Variants in LRRC4C observed in about 807,000 individuals in gnomAD.
LRRC4C encodes the protein leucine rich repeat containing 4C.
A neutral mutation model predicts 33.6 loss-of-function variants in LRRC4C; 5 were observed. That is an observed-to-expected ratio of 0.15 (90% CI 0.08 to 0.31). The LOEUF is 0.31. Ranked by LOEUF, LRRC4C falls within the 10% of genes least tolerant of loss-of-function variation. The probability of loss-of-function intolerance (pLI) is 1.00; values close to 1 mark genes in which losing one functional copy is unlikely to be tolerated. For missense variants in LRRC4C, 560 were observed against 796.7 expected (o/e 0.70, Z 3.58); for synonymous variants, 329 against 302.0 (o/e 1.09, Z -0.93).
chr11:41,103,206 T>C (rs1487766773), intron 1 of LRRC4C, among the ~76,000 whole-genome samples: 2 of 151,966 alleles, frequency 1.3e-5, no homozygotes, highest in African/African-American at 4.8e-5. Flanking sequence ...ATATTATTTT[T>C]CCTAATATTG....
chr11:40,900,356 C>A (rs541746231), intron 2 of LRRC4C, among the ~76,000 whole-genome samples: 1 of 151,894 alleles, frequency 6.6e-6, no homozygotes, highest in Non-Finnish European at 1.5e-5. Context: ...TGCACTTTAC[C>A]AACTCAGCCA....
At chr11:40,476,822 A>AT (rs1317216845) in intron 3 of LRRC4C, among the ~76,000 whole-genome samples, 2 of 152,248 alleles carry the variant, frequency 1.3e-5, no homozygotes, top group South Asian at 2.1e-4. Flanking sequence ...CATTATAAAC[A>AT]TTTTTTAAAA....
chr11:40,853,148 T>C (rs1408674403), intron 2 of LRRC4C, among the ~76,000 whole-genome samples: 1 of 152,132 alleles, frequency 6.6e-6, no homozygotes, highest in African/African-American at 2.4e-5. Flanking sequence ...GCTGTTGGTG[T>C]AAACTAACCT....
chr11:41,018,172 A>G (rs2137629904), intron 1 of LRRC4C, among the ~76,000 whole-genome samples: 1 of 152,328 alleles, frequency 6.6e-6, no homozygotes, highest in Admixed American at 6.5e-5. Flanking sequence ...AATAAGTTAG[A>G]AAAATCTTCC....
At chr11:40,978,416 T>G (rs577900255) in intron 1 of LRRC4C, among the ~76,000 whole-genome samples, 1 of 152,328 alleles carries the variant, frequency 6.6e-6, no homozygotes, top group African/African-American at 2.4e-5. Flanking sequence ...GAATATTTTA[T>G]AATATTTGGA....
chr11:40,626,004 G>A lies in LRRC4C; in HGVS notation c.-270+22138C>T, dbSNP rs1962893993. Among the ~76,000 whole-genome samples the A allele has an allele frequency of 4.6e-5, 7 of 152,194 alleles. No individual in the cohort carries two copies. In the South Asian group the frequency reaches 1.5e-3, roughly 32 times the overall value. ...TGTCCTCTGCTCAAAATTTCCCAAT[G>A]ACTTTATTTTTCACTCAGAATAAAA... On this transcript the variant is annotated intron_variant, in intron 3 of 6. Transcript: ENST00000528697.
chr11:40,725,514 TAA>T (rs1371677133), intron 2 of LRRC4C, among the ~76,000 whole-genome samples: 6 of 138,694 alleles, frequency 4.3e-5, no homozygotes, highest in African/African-American at 2.7e-5. Context: ...AGACTCTGTT[TAA>T]AAAAAAAAAA....
intron 2 of LRRC4C, among the ~76,000 whole-genome samples, chr11:40,896,373 T>C (rs1278370088): frequency 6.6e-6 from 1 of 152,160 alleles, no homozygotes; most frequent in Non-Finnish European, 1.5e-5. Context: ...CAGATCGCCT[T>C]GAGCTCTTTA....
intron 4 of LRRC4C, among the ~76,000 whole-genome samples, chr11:40,314,053 A>C (rs1398769947): frequency 1.3e-5 from 2 of 152,114 alleles, no homozygotes; most frequent in Non-Finnish European, 2.9e-5. Context: ...AACAATGAAC[A>C]GAATGAAAAG....
intron 3 of LRRC4C, among the ~76,000 whole-genome samples, chr11:40,366,683 T>A (rs575970643): frequency 6.6e-6 from 1 of 152,054 alleles, no homozygotes; most frequent in Non-Finnish European, 1.5e-5. Flanking sequence ...ATGGCATTTA[T>A]GCACATAACA....
In LRRC4C at chr11:40,941,802, T is replaced by C. The variant is rs150063039; in HGVS notation, c.-495-8079A>G. 6.0e-4 allele frequency among the ~76,000 whole-genome samples: 92 copies of C among 152,260 alleles called. 3 individuals carry two copies. The East Asian group carries it at 0.013, about 22-fold the overall frequency. On this transcript the variant is annotated intron_variant, in intron 1 of 6. Coordinates refer to ENST00000528697, the MANE Select transcript of LRRC4C (RefSeq NM_001258419.2). ...GCTAAAAATAAATGAAGTAAGGCAATATTTTTTCTGATTTTACAGGGTTTA... is the reference window on the plus strand; with the variant it reads ...GCTAAAAATAAATGAAGTAAGGCAACATTTTTTCTGATTTTACAGGGTTTA...
intron 5 of LRRC4C, among the ~76,000 whole-genome samples, chr11:40,220,075 C>A (rs1224013136): frequency 6.6e-6 from 1 of 152,110 alleles, no homozygotes; most frequent in Non-Finnish European, 1.5e-5. Context: ...CATCACTTCA[C>A]TTTAGAGGGA....
chr11:40,549,448 G>A (rs759733107), intron 3 of LRRC4C, among the ~76,000 whole-genome samples: 3 of 152,128 alleles, frequency 2.0e-5, no homozygotes, highest in South Asian at 2.1e-4. Flanking sequence ...AAGAAAGAGC[G>A]ATGCCATTTA....
At chr11:40,321,411 C>G (rs1016806933) in intron 3 of LRRC4C, among the ~76,000 whole-genome samples, 6 of 152,152 alleles carry the variant, frequency 3.9e-5, no homozygotes, top group Admixed American at 6.5e-5. Flanking sequence ...CATTATACTT[C>G]TAATGCACTG....
intron 1 of LRRC4C, among the ~76,000 whole-genome samples, chr11:41,406,968 G>T (rs1954265175): frequency 6.6e-6 from 1 of 151,940 alleles, no homozygotes; most frequent in Admixed American, 6.6e-5. Flanking sequence ...AGAAAATATT[G>T]TTTATAAAAG....
intron 3 of LRRC4C, among the ~76,000 whole-genome samples, chr11:40,529,801 T>C (rs1311963923): frequency 6.6e-6 from 1 of 152,120 alleles, no homozygotes; most frequent in Admixed American, 6.6e-5. Context: ...ATGTTGATCA[T>C]CTTCAGAAAC....
intron 3 of LRRC4C, among the ~76,000 whole-genome samples, chr11:40,384,993 G>A (rs1238706746): frequency 6.6e-6 from 1 of 151,556 alleles, no homozygotes; most frequent in Non-Finnish European, 1.5e-5. Flanking sequence ...GTATTGTTTT[G>A]TATATTAAGT....
intron 2 of LRRC4C, among the ~76,000 whole-genome samples, chr11:40,752,208 T>C (rs1481932860): frequency 6.6e-6 from 1 of 152,038 alleles, no homozygotes; most frequent in Non-Finnish European, 1.5e-5. Flanking sequence ...AATTTTATGC[T>C]AAGACCTCAA....
chr11:40,774,037 T>A (rs1485180710), intron 2 of LRRC4C, among the ~76,000 whole-genome samples: 1 of 152,140 alleles, frequency 6.6e-6, no homozygotes, highest in Non-Finnish European at 1.5e-5. Context: ...CCCTGGCAAC[T>A]ATTAATCTGC....
Sources: gnomAD v4.1 joint callset for allele counts (sites outside exome capture counted in the v4.1 genomes callset) on GRCh38, gnomAD v4.1.1 for gene constraint, MANE v1.5 for transcripts, NCBI Gene and HGNC (gene_info 2026-07-23, HGNC 2026-07-21) for gene names.